The following CSPP1 variants were observed in gnomAD, a reference collection of about 807,000 sequenced individuals.
CSPP1 encodes the protein centrosome and spindle pole associated protein 1, also known as centrosome and spindle pole-associated protein 1.
In CSPP1, 126 loss-of-function variants were observed where a neutral mutation model predicts 164.4. The ratio of observed to expected loss-of-function variants is 0.77; its 90% CI spans 0.66 to 0.89. CSPP1 has a LOEUF of 0.89. CSPP1 is among the 40% of genes least tolerant of loss of function. The probability of loss-of-function intolerance (pLI) is 0.00; values close to 1 mark genes in which losing one functional copy is unlikely to be tolerated. For synonymous variants in CSPP1, 472 were observed against 476.7 expected, an observed-to-expected ratio of 0.99 and a Z score of 0.13; for missense variants, 1,395 against 1,449.8, an observed-to-expected ratio of 0.96 and a Z score of 0.61.
intron 21 of CSPP1, 119 bp from the exon 22 acceptor site, chr8:67,161,692 A>G: frequency 1.8e-6 from 1 of 552,236 alleles, no homozygotes; most frequent in Non-Finnish European, 3.2e-6. Context: ...ATTAAATAAA[A>G]GCAATAACAA....
At chr8:67,080,588 A>C (rs545463916) in intron 3 of CSPP1, among the ~76,000 whole-genome samples, 14 of 152,236 alleles carry the variant, frequency 9.2e-5, no homozygotes, top group Non-Finnish European at 4.4e-5. Context: ...CTGCAAGTTC[A>C]AGGGTCACCA....
At chr8:67,110,168 G>GT (rs113870388) in intron 9 of CSPP1, among the ~76,000 whole-genome samples, 393 of 145,854 alleles carry the variant, frequency 2.7e-3, no homozygotes, top group South Asian at 8.2e-3. Context: ...GCAGTCTGAG[G>GT]TTTTTTTTTT....
At chr8:67,083,544 A>ATAT (rs1485255533) in intron 3 of CSPP1, 4 of 130,266 alleles carry the variant, frequency 3.1e-5, no homozygotes, top group South Asian at 4.7e-4. Flanking sequence ...AAAAAAAAAA[A>ATAT]AAAAATATAT....
In CSPP1 at chr8:67,065,583, G is replaced by A. The variant is rs550574004; in HGVS notation, c.-11+1045G>A. On this transcript the variant is annotated intron_variant, in intron 1 of 30. Transcript: ENST00000678616. Reference sequence around the variant, plus strand: ...CATTCTTCTCCCTAGGAGGTCGCTAGCTTTCTGGTGATTAAATGTCTGCTG... The same window carrying A: ...CATTCTTCTCCCTAGGAGGTCGCTAACTTTCTGGTGATTAAATGTCTGCTG... 6 of 843,694 alleles carry A rather than the reference G, an allele frequency of 7.1e-6. No homozygotes were observed. In the East Asian group the frequency reaches 6.1e-4, roughly 86 times the overall value. The allele number at this position is 843,694 out of a possible 1,614,324, so 52.3% of individuals were successfully genotyped here.
rs757667483 is a variant in CSPP1, at chr8:67,158,498, G to C, written c.2293G>C (p.Ala765Pro). Reference sequence around the variant, plus strand: ...AGCAGAGCGAGAGAGACTGAGAATTGCAGAAGAAAAAGAAGAAAGACGGCT... The same window carrying C: ...AGCAGAGCGAGAGAGACTGAGAATTCCAGAAGAAAAAGAAGAAAGACGGCT... ...EEAERERLRI[A>P]EEKEERRLAE... Residue 765 changes from alanine to proline, a missense_variant, in exon 20 of 31, where the codon GCA becomes CCA. Physicochemically the swap from Ala to Pro is conservative, Grantham distance 27 (BLOSUM62 -1). Coordinates refer to ENST00000678616, the MANE Select transcript of CSPP1 (RefSeq NM_001382391.1). 6.2e-7 allele frequency: 1 copy of C among 1,613,064 alleles called. No individual in the cohort carries two copies. Among genetic ancestry groups the C allele is most frequent in the African/African-American group, 1.3e-5 (1 of 74,882 alleles).
chr8:67,125,070 C>T (rs983737569), intron 15 of CSPP1, among the ~76,000 whole-genome samples: 6 of 152,036 alleles, frequency 3.9e-5, no homozygotes, highest in African/African-American at 9.7e-5. Flanking sequence ...TCTTTACTGG[C>T]GTTCTTTATT....
chr8:67,113,861 C>T lies in CSPP1; in HGVS notation c.1244C>T (p.Ser415Leu), dbSNP rs750389579. 8 of 1,566,060 alleles carry T rather than the reference C, an allele frequency of 5.1e-6. No individual in the cohort carries two copies. Among genetic ancestry groups the T allele is most frequent in the Admixed American group, 3.5e-5 (2 of 57,010 alleles). The part of the protein sequence containing the change: ...AASGAQDPEK[S>L]WNELLTSLQL... ...TCTGGAGCACAAGACCCTGAGAAAT[C>T]GGTAAGGGTTTCTGGCATCTTTTAA... is the stretch of plus-strand genomic sequence containing the variant. Residue 415 changes from serine to leucine, a missense_variant and splice_region_variant, in exon 11 of 31, where the codon TCG becomes TTG. Physicochemically the swap from Ser to Leu is moderately radical, Grantham distance 145 (BLOSUM62 -2). Transcript: ENST00000678616.
chr8:67,161,888 T>A lies in CSPP1; in HGVS notation c.2616T>A (p.Val872=). The A allele has an allele frequency of 6.2e-7, 1 of 1,611,502 alleles. No homozygotes were observed. The highest frequency in any genetic ancestry group is 8.5e-7 in the Non-Finnish European group (1 of 1,177,712). The change falls in exon 22 of 31, where the codon GTT becomes GTA. Residue 872 remains valine (V), a synonymous_variant. Transcript: ENST00000678616. ...IASKLQRPPS[V]DSIIRSFIHE... is the part of the protein sequence containing the mutation. ...GCAAACTCCAAAGACCTCCTTCAGT[T>A]GACAGCATCATACGTTCCTTTATTC...
rs749876803 is a variant in CSPP1, at chr8:67,137,573, C to T, written c.1945C>T (p.Pro649Ser). The T allele has an allele frequency of 1.3e-6, 2 of 1,581,050 alleles. No individual in the cohort carries two copies. The highest frequency in any genetic ancestry group is 1.7e-6 in the Non-Finnish European group (2 of 1,166,344). ...NPWGKGGGGAPLRDAKGNLIT... is the reference protein window; with the variant it reads ...NPWGKGGGGASLRDAKGNLIT... ...CTGGGGAAAAGGTGGAGGTGGTGCTCCTCTCAGGGATGCAAAAGGAAATCT... is the reference window on the plus strand; with the variant it reads ...CTGGGGAAAAGGTGGAGGTGGTGCTTCTCTCAGGGATGCAAAAGGAAATCT... The change falls in exon 17 of 31, where the codon CCT (proline) becomes TCT (serine). Residue 649 changes from proline to serine, a missense_variant. Physicochemically the swap from Pro to Ser is moderately conservative, Grantham distance 74. Coordinates refer to ENST00000678616, the MANE Select transcript of CSPP1 (RefSeq NM_001382391.1).
At position 67,092,723 on chromosome 8, in the gene CSPP1, G is replaced by A. The variant is rs577898923; in HGVS notation, c.385-820G>A. ...CTCCCAAAGTACTGGCATTACAGGC[G>A]TGAGCCACCGCTCCCAGCTGACCTA... On this transcript the variant is annotated intron_variant, in intron 5 of 30. Transcript: ENST00000678616. 4.6e-5 allele frequency among the ~76,000 whole-genome samples: 7 copies of A among 152,294 alleles called. No individual in the cohort carries two copies. In the South Asian group the frequency reaches 1.0e-3, roughly 23 times the overall value.
intron 13 of CSPP1, 137 bp downstream of exon 13, chr8:67,116,259 T>G: frequency 1.6e-6 from 1 of 607,174 alleles, no homozygotes. Flanking sequence ...ATAAATTCTC[T>G]TGAAATTTGT....
chr8:67,146,149 G>T (rs943586041), intron 17 of CSPP1, among the ~76,000 whole-genome samples: 2 of 146,996 alleles, frequency 1.4e-5, no homozygotes, highest in East Asian at 2.0e-4. Flanking sequence ...TTGAGACAAG[G>T]TCTCACTCTG....
chr8:67,123,813 A>G (rs57530222), intron 15 of CSPP1, among the ~76,000 whole-genome samples: 12,560 of 149,754 alleles, frequency 0.084, 1,062 homozygotes, highest in African/African-American at 0.22. Flanking sequence ...GGGTTTTGCC[A>G]TGTTTCCCAG....
chr8:67,195,245 A>T, intron 30 of CSPP1, 137 bp from the exon 31 acceptor site: 1 of 719,760 alleles, frequency 1.4e-6, no homozygotes, highest in Non-Finnish European at 2.5e-6. Context: ...TAACCAAAAC[A>T]AACAAACAGT....
Position 67,148,211 on chromosome 8 carries a change from G to A in CSPP1, c.1976-1572G>A, listed in dbSNP as rs150995647. On this transcript the variant is annotated intron_variant, in intron 17 of 30. Transcript: ENST00000678616. ...TGGGATTATAGGTGTGAGCCACCAC[G>A]CCCGGCCAGACTAATATATTAATCC... is the stretch of plus-strand genomic sequence containing the variant. Among the ~76,000 whole-genome samples the A allele has an allele frequency of 6.1e-3, 924 of 152,200 alleles. 11 individuals carry two copies. The highest frequency in any genetic ancestry group is 0.021 in the African/African-American group (864 of 41,532).
intron 2 of CSPP1, 93 bp downstream of exon 2, chr8:67,074,444 A>G (rs1807472966): frequency 1.4e-6 from 1 of 695,288 alleles, no homozygotes; most frequent in South Asian, 2.3e-5. Flanking sequence ...TCTATGAGTG[A>G]GAATCTTCTG....
chr8:67,111,443 G>A (rs1244516582), intron 9 of CSPP1, among the ~76,000 whole-genome samples: 1 of 152,120 alleles, frequency 6.6e-6, no homozygotes, highest in African/African-American at 2.4e-5. Context: ...CTGCAATCCA[G>A]GTTAGATGTA....
rs1159928663 is a variant in CSPP1, at chr8:67,090,997, A to G, written c.304-806A>G. On this transcript the variant is annotated intron_variant, in intron 4 of 30. Transcript: ENST00000678616. ...ACAGTACCAGAAAGTTGGAGATCAT[A>G]TGTATTTTTTTACCAATTGGGGATC... Among the ~76,000 whole-genome samples, 3 of 152,294 alleles carry G rather than the reference A, an allele frequency of 2.0e-5. No homozygotes were observed. In the East Asian group the frequency reaches 5.8e-4, roughly 29 times the overall value.
intron 3 of CSPP1, 41 bp downstream of exon 3, chr8:67,076,622 T>TCCTGTAATCCCAGCACTTTGGG: frequency 9.3e-7 from 1 of 1,069,546 alleles, no homozygotes; most frequent in East Asian, 2.6e-5. Context: ...AAGATATCCT[T>TCCTGTAATCCCAGCACTTTGGG]AGTGGGCTCT....
Sources: gnomAD v4.1 joint callset for allele counts (sites outside exome capture counted in the v4.1 genomes callset) on GRCh38, gnomAD v4.1.1 for gene constraint, MANE v1.5 for transcripts, NCBI Gene and HGNC (gene_info 2026-07-23, HGNC 2026-07-21) for gene names.